The following CNTN5 variants were observed in gnomAD, a reference collection of about 807,000 sequenced individuals.
CNTN5 encodes contactin-5.
CNTN5 carries 77 observed loss-of-function variants against 129.1 expected under a neutral mutation model. That is an observed-to-expected ratio of 0.60 (90% confidence interval 0.50 to 0.72). The LOEUF (loss-of-function observed/expected upper bound fraction) is 0.72, where lower values mean the gene tolerates loss of function less well. CNTN5 is among the 30% of genes least tolerant of loss of function. The pLI is 0.00. For missense variants in CNTN5, 1,478 were observed against 1,328.8 expected, an observed-to-expected ratio of 1.11 and a Z score of -1.75; for synonymous variants, 509 against 465.6, an observed-to-expected ratio of 1.09 and a Z score of -1.20.
chr11:99,497,973 T>A (rs1369466595), intron 2 of CNTN5, among the ~76,000 whole-genome samples: 1 of 152,104 alleles, frequency 6.6e-6, no homozygotes, highest in Non-Finnish European at 1.5e-5. Flanking sequence ...CAATTTTTTC[T>A]AGAGTTGATT....
chr11:99,753,504 C>A (rs1293482791), intron 3 of CNTN5, among the ~76,000 whole-genome samples: 3 of 151,512 alleles, frequency 2.0e-5, no homozygotes, highest in Non-Finnish European at 2.9e-5. Context: ...AAAATAAGAT[C>A]TAAATGTCCC....
chr11:99,886,724 AAATATGTT>A (rs1257982078), intron 6 of CNTN5, among the ~76,000 whole-genome samples: 4 of 152,234 alleles, frequency 2.6e-5, no homozygotes, highest in African/African-American at 9.6e-5. Context: ...TCAGAAAATG[AAATATGTT>A]AATATGTTAC....
At chr11:99,336,054 T>C (rs1866209642) in intron 2 of CNTN5, among the ~76,000 whole-genome samples, 1 of 152,178 alleles carries the variant, frequency 6.6e-6, no homozygotes, top group Non-Finnish European at 1.5e-5. Flanking sequence ...AAAAACTTTT[T>C]GTTTTTAGAT....
chr11:99,783,600 G>GA (rs1945396636), intron 3 of CNTN5, among the ~76,000 whole-genome samples: 1 of 122,212 alleles, frequency 8.2e-6, no homozygotes, highest in African/African-American at 3.1e-5. Context: ...ACTGGATTAA[G>GA]AAAATGTGGC....
intron 3 of CNTN5, among the ~76,000 whole-genome samples, chr11:99,683,669 G>A (rs146062631): frequency 1.3e-5 from 2 of 151,762 alleles, no homozygotes; most frequent in Non-Finnish European, 2.9e-5. Flanking sequence ...CACACAAAAA[G>A]AATGAGGTTT....
At chr11:99,981,123 TGAAA>T (rs1938323754) in intron 8 of CNTN5, among the ~76,000 whole-genome samples, 1 of 103,278 alleles carries the variant, frequency 9.7e-6, no homozygotes, top group Non-Finnish European at 2.2e-5. Flanking sequence ...CACACATATA[TGAAA>T]GAGAATTGAT....
At chr11:99,897,039 A>G (rs2135934242) in intron 6 of CNTN5, among the ~76,000 whole-genome samples, 1 of 152,298 alleles carries the variant, frequency 6.6e-6, no homozygotes, top group African/African-American at 2.4e-5. Flanking sequence ...TCTGAACTAG[A>G]CTAGACCAAG....
At position 99,153,123 on chromosome 11, in the gene CNTN5, G is replaced by C. The variant is rs530336641; in HGVS notation, c.-210+131853G>C. ...GAGAATCTGATGACTATGTGTCTTG[G>C]GGATGGGCTTCTTGTATAGTATCTC... is the stretch of plus-strand genomic sequence containing the variant. On this transcript the variant is annotated intron_variant, in intron 1 of 24. Coordinates refer to ENST00000524871, the MANE Select transcript of CNTN5 (RefSeq NM_014361.4). Among the ~76,000 whole-genome samples, 16 of 152,160 alleles carry C rather than the reference G, an allele frequency of 1.1e-4. No individual in the cohort carries two copies. The South Asian group carries it at 1.5e-3, about 14-fold the overall frequency.
chr11:99,269,088 T>C (rs1475424209), intron 1 of CNTN5, among the ~76,000 whole-genome samples: 3 of 151,938 alleles, frequency 2.0e-5, no homozygotes, highest in African/African-American at 7.2e-5. Flanking sequence ...TAATTTAACC[T>C]GTCAAAGTTA....
chr11:99,866,375 A>T (rs2135790842), intron 6 of CNTN5, among the ~76,000 whole-genome samples: 1 of 152,294 alleles, frequency 6.6e-6, no homozygotes, highest in Admixed American at 6.5e-5. Flanking sequence ...TTTATTAATT[A>T]CTTACCTTGT....
chr11:99,153,517 T>C (rs1860177165), intron 1 of CNTN5, among the ~76,000 whole-genome samples: 1 of 151,358 alleles, frequency 6.6e-6, no homozygotes, highest in African/African-American at 2.4e-5. Context: ...AAAATAACCA[T>C]TTTGTCTTTC....
intron 1 of CNTN5, among the ~76,000 whole-genome samples, chr11:99,291,587 C>T (rs1382159842): frequency 6.6e-6 from 1 of 151,890 alleles, no homozygotes; most frequent in Non-Finnish European, 1.5e-5. Flanking sequence ...ATAAATGTGA[C>T]ATTAAAATAA....
chr11:99,377,195 A>G lies in CNTN5; in HGVS notation c.-71+51711A>G, dbSNP rs182890852. 5.9e-5 allele frequency among the ~76,000 whole-genome samples: 9 copies of G among 152,218 alleles called. No individual in the cohort carries two copies. The East Asian group carries it at 1.4e-3, about 23-fold the overall frequency. On this transcript the variant is annotated intron_variant, in intron 2 of 24. Transcript: ENST00000524871. ...AAACAGAGCTAGAATTGTCCTTGGTAAAAAAGAAAAAAAAGCAGTAGTCTC... is the reference window on the plus strand; with the variant it reads ...AAACAGAGCTAGAATTGTCCTTGGTGAAAAAGAAAAAAAAGCAGTAGTCTC...
chr11:99,819,679 C>A lies in CNTN5; in HGVS notation c.191C>A (p.Ala64Asp), dbSNP rs1946729939. The A allele has an allele frequency of 1.2e-6, 2 of 1,612,976 alleles. No individual in the cohort carries two copies. The highest frequency in any genetic ancestry group is 1.3e-5 in the African/African-American group (1 of 75,090). The change falls in exon 4 of 25, where the codon GCT (alanine) becomes GAT (aspartate). Residue 64 changes from alanine (A) to aspartate (D), a missense_variant. Physicochemically the swap from Ala to Asp is moderately radical, Grantham distance 126 (BLOSUM62 -2). Transcript: ENST00000524871. ...YSSPSLGTLS[A>D]SSPSWLGAAQ... ...AGCCCTTCATTAGGAACACTGAGTG[C>A]TTCTTCACCCAGCTGGCTAGGGGCA...
chr11:99,860,569 T>C (rs1469047921), intron 6 of CNTN5, among the ~76,000 whole-genome samples: 1 of 152,212 alleles, frequency 6.6e-6, no homozygotes, highest in African/African-American at 2.4e-5. Context: ...GTAAATCCTT[T>C]CCTCATTGCT....
chr11:99,480,618 C>G (rs541693553), intron 2 of CNTN5, among the ~76,000 whole-genome samples: 1 of 152,310 alleles, frequency 6.6e-6, no homozygotes, highest in South Asian at 2.1e-4. Flanking sequence ...ATTCTACAAT[C>G]TTTGCTTTAC....
At chr11:99,788,257 C>T (rs1047919612) in intron 3 of CNTN5, among the ~76,000 whole-genome samples, 4 of 151,782 alleles carry the variant, frequency 2.6e-5, no homozygotes, top group African/African-American at 9.7e-5. Context: ...CTGTCTATTC[C>T]TCAAGTTTAA....
chr11:99,833,583 A>G (rs1050267430), intron 4 of CNTN5, among the ~76,000 whole-genome samples: 1 of 152,200 alleles, frequency 6.6e-6, no homozygotes, highest in African/African-American at 2.4e-5. Flanking sequence ...GATGTTCAGT[A>G]TATTAGTTGA....
At chr11:100,036,989 G>T (rs1942055104) in intron 9 of CNTN5, among the ~76,000 whole-genome samples, 1 of 151,566 alleles carries the variant, frequency 6.6e-6, no homozygotes, top group African/African-American at 2.4e-5. Context: ...GCCCTGCCCA[G>T]AACTTCCAAC....
Sources: gnomAD v4.1 joint callset for allele counts (sites outside exome capture counted in the v4.1 genomes callset) on GRCh38, gnomAD v4.1.1 for gene constraint, MANE v1.5 for transcripts, NCBI Gene and HGNC (gene_info 2026-07-23, HGNC 2026-07-21) for gene names.